XRCC4: variants seen among roughly 807,000 people sequenced by gnomAD.
XRCC4 encodes the protein DNA repair protein XRCC4.
XRCC4 carries 28 observed loss-of-function variants against 39.1 expected under a neutral mutation model. The ratio of observed to expected loss-of-function variants is 0.72; its 90% confidence interval spans 0.53 to 0.98. XRCC4 has a LOEUF of 0.98. Among genes scored for constraint, XRCC4 ranks in the 50% least tolerant of loss-of-function variants. The pLI, the probability that XRCC4 is intolerant of heterozygous loss-of-function variation, is 0.00. For synonymous variants in XRCC4, 123 were observed against 126.4 expected (o/e 0.97, Z 0.18); for missense variants, 350 against 376.4 (o/e 0.93, Z 0.58).
intron 3 of XRCC4, among the ~76,000 whole-genome samples, chr5:83,180,232 A>G (rs1298878529): frequency 1.3e-5 from 2 of 152,144 alleles, no homozygotes; most frequent in Non-Finnish European, 2.9e-5. Context: ...TCTGGATTAT[A>G]TGGAGAAGCT....
intron 3 of XRCC4, among the ~76,000 whole-genome samples, chr5:83,188,621 C>T (rs989253026): frequency 3.9e-5 from 6 of 151,970 alleles, no homozygotes; most frequent in Non-Finnish European, 8.8e-5. Flanking sequence ...CTTCCAATCA[C>T]GGCAGAAGAT....
rs1262405157 is a variant in XRCC4 at position 83,079,637 on chromosome 5, A to G, written c.-11+2022A>G. ...TCAACCTCCAGGGCAGAAGCGATCT[A>G]TCCTCCTCCCTCAGTATCCCCAGTA... On this transcript the variant is annotated intron_variant, in intron 1 of 7. Coordinates refer to ENST00000396027, the MANE Select transcript of XRCC4 (RefSeq NM_003401.5). 2.0e-5 allele frequency among the ~76,000 whole-genome samples: 3 copies of G among 152,062 alleles called. No individual in the cohort carries two copies. In the East Asian group the frequency reaches 5.8e-4, roughly 29 times the overall value.
chr5:83,333,058 C>T (rs957676873), intron 7 of XRCC4, among the ~76,000 whole-genome samples: 6 of 151,946 alleles, frequency 3.9e-5, no homozygotes, highest in Admixed American at 2.0e-4. Context: ...AGCTGTTACT[C>T]TTAGGACAAA....
intron 3 of XRCC4, among the ~76,000 whole-genome samples, chr5:83,168,208 C>T (rs1433467055): frequency 6.6e-6 from 1 of 152,052 alleles, no homozygotes; most frequent in African/African-American, 2.4e-5. Flanking sequence ...ATAAAAATAA[C>T]ATACCAGACA....
intron 3 of XRCC4, among the ~76,000 whole-genome samples, chr5:83,173,820 C>A (rs1258775645): frequency 6.6e-6 from 1 of 152,154 alleles, no homozygotes; most frequent in East Asian, 1.9e-4. Flanking sequence ...TCTAAGGGGA[C>A]ATGGAATGTG....
chr5:83,199,950 T>C (rs1751112466), intron 4 of XRCC4, among the ~76,000 whole-genome samples: 1 of 152,142 alleles, frequency 6.6e-6, no homozygotes, highest in Admixed American at 6.6e-5. Context: ...GATTTGATCC[T>C]TGGACTAGTG....
chr5:83,325,801 T>C (rs765357393), intron 7 of XRCC4, among the ~76,000 whole-genome samples: 16 of 152,154 alleles, frequency 1.1e-4, no homozygotes, highest in South Asian at 4.1e-4. Flanking sequence ...ATAGAATTAT[T>C]CTATTTCTTT....
chr5:83,175,200 A>G (rs1014550442), intron 3 of XRCC4, among the ~76,000 whole-genome samples: 1 of 152,198 alleles, frequency 6.6e-6, no homozygotes, highest in African/African-American at 2.4e-5. Context: ...ATAATGAATG[A>G]AACATAGTAA....
chr5:83,099,936 A>AT (rs1361438237), intron 1 of XRCC4, among the ~76,000 whole-genome samples: 2 of 152,190 alleles, frequency 1.3e-5, no homozygotes, highest in Non-Finnish European at 2.9e-5. Context: ...GAATCTTAAA[A>AT]GACATTCCAA....
chr5:83,355,324 A>G (rs1757177991), downstream of XRCC4, among the ~76,000 whole-genome samples: 1 of 151,968 alleles, frequency 6.6e-6, no homozygotes, highest in Non-Finnish European at 1.5e-5. Flanking sequence ...CTCTCGAATT[A>G]CTTTTTCATG....
At chr5:83,182,633 A>G (rs903124358) in intron 3 of XRCC4, among the ~76,000 whole-genome samples, 2 of 152,076 alleles carry the variant, frequency 1.3e-5, no homozygotes, top group Non-Finnish European at 2.9e-5. Flanking sequence ...TGTCTCTCCA[A>G]ATTCATATGT....
At chr5:83,118,941 G>T (rs1204889278) in intron 3 of XRCC4, among the ~76,000 whole-genome samples, 1 of 152,154 alleles carries the variant, frequency 6.6e-6, no homozygotes, top group Non-Finnish European at 1.5e-5. Context: ...TACTTTAAAG[G>T]ATAAAGTAAG....
chr5:83,345,169 C>T (rs1224507065), intron 7 of XRCC4, among the ~76,000 whole-genome samples: 1 of 152,138 alleles, frequency 6.6e-6, no homozygotes, highest in Non-Finnish European at 1.5e-5. Context: ...TGTGACTTGT[C>T]ATTTCATTCT....
chr5:83,131,121 C>A (rs1287426058), intron 3 of XRCC4, among the ~76,000 whole-genome samples: 1 of 152,084 alleles, frequency 6.6e-6, no homozygotes, highest in Non-Finnish European at 1.5e-5. Context: ...CTATAAATTT[C>A]CCTCTACACA....
chr5:83,104,564 C>T lies in XRCC4; in HGVS notation c.-10-346C>T, dbSNP rs563324656. ...AACTCCTGACCTCAGGCAATCTGCC[C>T]GTCTTGGCCTCCCAAAGTGCTGGGA... On this transcript the variant is annotated intron_variant, in intron 1 of 7. Transcript: ENST00000396027. Among the ~76,000 whole-genome samples the T allele has an allele frequency of 8.5e-5, 13 of 152,156 alleles. No individual in the cohort carries two copies. The East Asian group carries it at 1.7e-3, about 20-fold the overall frequency.
intron 3 of XRCC4, among the ~76,000 whole-genome samples, chr5:83,181,076 A>G (rs887922467): frequency 1.6e-5 from 2 of 124,854 alleles, no homozygotes; most frequent in East Asian, 2.2e-4. Flanking sequence ...TGCGAATTCT[A>G]TTTATCGCGA....
intron 4 of XRCC4, among the ~76,000 whole-genome samples, chr5:83,198,750 A>G (rs866880683): frequency 6.6e-6 from 1 of 152,172 alleles, no homozygotes; most frequent in Non-Finnish European, 1.5e-5. Context: ...GCTTTAATGC[A>G]TAGAATTTTA....
chr5:83,160,448 T>C (rs1749150473), intron 3 of XRCC4, among the ~76,000 whole-genome samples: 1 of 152,200 alleles, frequency 6.6e-6, no homozygotes, highest in Admixed American at 6.5e-5. Context: ...TCTTTATTAG[T>C]ATTTTTCTTG....
intron 6 of XRCC4, among the ~76,000 whole-genome samples, chr5:83,246,506 T>C (rs1753106723): frequency 6.6e-6 from 1 of 152,206 alleles, no homozygotes; most frequent in Non-Finnish European, 1.5e-5. Context: ...TTGTGTCTTT[T>C]ATATTCTACT....
Sources: allele counts gnomAD v4.1 joint callset (sites outside exome capture counted in the v4.1 genomes callset), GRCh38; gene constraint gnomAD v4.1.1; transcripts MANE v1.5; gene names NCBI Gene and HGNC (gene_info 2026-07-23, HGNC 2026-07-21).